NTRK2: variants seen among roughly 807,000 people sequenced by gnomAD.
NTRK2 encodes BDNF/NT-3 growth factors receptor.
NTRK2 carries 13 observed loss-of-function variants against 94.5 expected under a neutral mutation model. That is an observed-to-expected ratio of 0.14 (90% CI 0.09 to 0.22). NTRK2 has a LOEUF of 0.22. NTRK2 is among the 10% of genes least tolerant of loss of function. The pLI is 1.00. For missense variants in NTRK2, 639 were observed against 1,071.2 expected (o/e 0.60, Z 5.63); for synonymous variants, 372 against 407.4 (o/e 0.91, Z 1.05).
At chr9:84,848,026 C>A (rs1021907973) in intron 12 of NTRK2, among the ~76,000 whole-genome samples, 1 of 151,864 alleles carries the variant, frequency 6.6e-6, no homozygotes, top group Non-Finnish European at 1.5e-5. Flanking sequence ...CAATGGCCAC[C>A]TTCTTGCTGT....
intron 12 of NTRK2, among the ~76,000 whole-genome samples, chr9:84,838,117 T>C (rs1445048359): frequency 6.6e-6 from 1 of 152,204 alleles, no homozygotes; most frequent in African/African-American, 2.4e-5. Context: ...GGATACCATA[T>C]ACAATATTTA....
chr9:84,689,869 G>A (rs144336727), intron 2 of NTRK2, among the ~76,000 whole-genome samples: 1,794 of 152,062 alleles, frequency 0.012, 31 homozygotes, highest in African/African-American at 0.041. Flanking sequence ...CCTCAAAAAT[G>A]TACATCTTTT....
intron 17 of NTRK2, among the ~76,000 whole-genome samples, chr9:84,979,844 C>G (rs1827362283): frequency 6.6e-6 from 1 of 152,226 alleles, no homozygotes; most frequent in Non-Finnish European, 1.5e-5. Flanking sequence ...GCAAGAACTT[C>G]CATCAGCAAA....
At chr9:84,934,355 CTATTTTATTA>C in intron 15 of NTRK2, 63 bp downstream of exon 15, 1 of 1,582,044 alleles carries the variant, frequency 6.3e-7, no homozygotes, top group East Asian at 2.2e-5. Flanking sequence ...AAATTTAACT[CTATTTTATTA>C]TATTTTGGTG....
At chr9:84,993,984 C>T (rs1333268063) in intron 17 of NTRK2, among the ~76,000 whole-genome samples, 1 of 152,152 alleles carries the variant, frequency 6.6e-6, no homozygotes, top group African/African-American at 2.4e-5. Flanking sequence ...TTTGTGCAAA[C>T]CAATATTTAG....
intron 14 of NTRK2, among the ~76,000 whole-genome samples, chr9:84,900,783 G>A (rs1439626803): frequency 6.6e-6 from 1 of 152,048 alleles, no homozygotes; most frequent in African/African-American, 2.4e-5. Context: ...AAAACACAAA[G>A]GCCTCATTGT....
At chr9:84,905,548 A>T (rs2077049544) in intron 14 of NTRK2, among the ~76,000 whole-genome samples, 1 of 152,176 alleles carries the variant, frequency 6.6e-6, no homozygotes, top group Non-Finnish European at 1.5e-5. Context: ...ATTAAAATCA[A>T]ATGAAATTGA....
chr9:84,941,174 A>C (rs2078395625), intron 15 of NTRK2, among the ~76,000 whole-genome samples: 1 of 152,146 alleles, frequency 6.6e-6, no homozygotes, highest in African/African-American at 2.4e-5. Context: ...TTAATAGACT[A>C]GATTTCTATT....
chr9:84,704,118 ATTACT>A (rs780473900), intron 4 of NTRK2, among the ~76,000 whole-genome samples: 31 of 151,004 alleles, frequency 2.1e-4, no homozygotes, highest in African/African-American at 4.4e-4. Flanking sequence ...AGACTTACTG[ATTACT>A]TTACTTTGTA....
At chr9:84,891,035 C>T (rs2076578987) in intron 14 of NTRK2, among the ~76,000 whole-genome samples, 1 of 152,164 alleles carries the variant, frequency 6.6e-6, no homozygotes, top group South Asian at 2.1e-4. Context: ...TTACTTTTCC[C>T]ATAGTCCCAT....
intron 14 of NTRK2, among the ~76,000 whole-genome samples, chr9:84,897,330 G>A (rs2076787785): frequency 6.6e-6 from 1 of 152,044 alleles, no homozygotes; most frequent in Non-Finnish European, 1.5e-5. Flanking sequence ...AGAGACAGAG[G>A]TTCAACATGT....
chr9:84,804,450 T>C (rs2070866124), intron 12 of NTRK2, among the ~76,000 whole-genome samples: 1 of 152,202 alleles, frequency 6.6e-6, no homozygotes, highest in African/African-American at 2.4e-5. Flanking sequence ...TCCACTTTGG[T>C]CAATGGCCTA....
intron 17 of NTRK2, among the ~76,000 whole-genome samples, chr9:84,960,009 A>G (rs960126891): frequency 1.3e-5 from 2 of 152,224 alleles, no homozygotes; most frequent in East Asian, 3.8e-4. Context: ...CTTCAGCTTT[A>G]TGTTGGAGTG....
chr9:84,888,933 G>A (rs918225187), intron 14 of NTRK2, among the ~76,000 whole-genome samples: 1 of 149,782 alleles, frequency 6.7e-6, no homozygotes, highest in African/African-American at 2.5e-5. Flanking sequence ...TTCATTTTTG[G>A]CTAATTGCCT....
chr9:84,905,792 AGG>A (rs2077056991), intron 14 of NTRK2, among the ~76,000 whole-genome samples: 1 of 152,222 alleles, frequency 6.6e-6, no homozygotes, highest in South Asian at 2.1e-4. Context: ...GGGTCTTGTC[AGG>A]GTGATGGCAG....
chr9:84,728,760 G>A (rs988137741), intron 9 of NTRK2, among the ~76,000 whole-genome samples: 3 of 152,210 alleles, frequency 2.0e-5, no homozygotes, highest in African/African-American at 7.2e-5. Context: ...CTGCGGAAAG[G>A]ATGGCTAGCA....
At chr9:84,999,628 A>G (rs1396356347) in intron 17 of NTRK2, among the ~76,000 whole-genome samples, 4 of 152,252 alleles carry the variant, frequency 2.6e-5, no homozygotes, top group Non-Finnish European at 5.9e-5. Flanking sequence ...AAAAAATCCT[A>G]TGTGGAAGAG....
chr9:84,884,439 A>G (rs2076353292), intron 14 of NTRK2, among the ~76,000 whole-genome samples: 1 of 152,250 alleles, frequency 6.6e-6, no homozygotes, highest in Admixed American at 6.5e-5. Context: ...GCAACCTAGA[A>G]GAGTGACCTT....
chr9:84,864,704 G>A (rs73474492), intron 13 of NTRK2, among the ~76,000 whole-genome samples: 3,843 of 150,842 alleles, frequency 0.025, 177 homozygotes, highest in African/African-American at 0.088. Context: ...TTGACAAGAT[G>A]CGGAAACCTT....
Sources: gnomAD v4.1 joint callset for allele counts (sites outside exome capture counted in the v4.1 genomes callset) on GRCh38, gnomAD v4.1.1 for gene constraint, MANE v1.5 for transcripts, NCBI Gene and HGNC (gene_info 2026-07-23, HGNC 2026-07-21) for gene names.